The following NEGR1 variants were observed in gnomAD, a reference collection of about 807,000 sequenced individuals.
The protein encoded by NEGR1 is IgLON family member 4.
Under a neutral mutation model 40.9 loss-of-function variants are expected in NEGR1, and 10 were observed. The observed-to-expected ratio is 0.24, with a 90% CI of 0.15 to 0.42. The LOEUF is 0.42. Ranked by LOEUF, NEGR1 falls within the 10% of genes least tolerant of loss-of-function variation. NEGR1 has a pLI of 1.00. For missense variants in NEGR1, 352 were observed against 438.9 expected (o/e 0.80, Z 1.77); for synonymous variants, 185 against 166.8 (o/e 1.11, Z -0.84).
At chr1:72,184,121 C>T (rs1652519071) in intron 1 of NEGR1, among the ~76,000 whole-genome samples, 1 of 152,010 alleles carries the variant, frequency 6.6e-6, no homozygotes, top group South Asian at 2.1e-4. Flanking sequence ...GAATCCCAGA[C>T]TTTATGGGAA....
At chr1:71,602,889 T>G (rs1649969602) in intron 5 of NEGR1, among the ~76,000 whole-genome samples, 1 of 152,238 alleles carries the variant, frequency 6.6e-6, no homozygotes, top group Admixed American at 6.5e-5. Context: ...CAGTTCCCAG[T>G]AGCTGAAATG....
At chr1:71,524,315 A>AGTGTGTGTGTGTGT (rs60790381) in intron 6 of NEGR1, among the ~76,000 whole-genome samples, 15 of 140,672 alleles carry the variant, frequency 1.1e-4, no homozygotes, top group Admixed American at 3.6e-4. Context: ...TTTAAATAGG[A>AGTGTGTGTGTGTGT]GTGTGTGTGT....
chr1:71,665,909 C>A (rs1570171635), intron 4 of NEGR1, among the ~76,000 whole-genome samples: 1 of 152,084 alleles, frequency 6.6e-6, no homozygotes, highest in Non-Finnish European at 1.5e-5. Context: ...TTGGTGCCTA[C>A]AAGATAAAGT....
chr1:71,839,437 C>T (rs958896501), intron 2 of NEGR1, among the ~76,000 whole-genome samples: 6 of 151,400 alleles, frequency 4.0e-5, no homozygotes, highest in Admixed American at 6.6e-5. Context: ...TCTTGAACTC[C>T]GGACCTCAGG....
chr1:72,012,860 C>A (rs200932551), intron 1 of NEGR1, among the ~76,000 whole-genome samples: 1 of 103,074 alleles, frequency 9.7e-6, no homozygotes, highest in Non-Finnish European at 2.0e-5. Flanking sequence ...TATATATACA[C>A]ACACACATAT....
chr1:71,475,322 TA>T (rs1455232353), intron 6 of NEGR1, among the ~76,000 whole-genome samples: 1 of 152,038 alleles, frequency 6.6e-6, no homozygotes, highest in African/African-American at 2.4e-5. Flanking sequence ...CCCCATTGAA[TA>T]ATAGGCACTT....
intron 6 of NEGR1, among the ~76,000 whole-genome samples, chr1:71,493,856 C>G (rs1169428071): frequency 6.6e-6 from 1 of 152,282 alleles, no homozygotes; most frequent in East Asian, 1.9e-4. Flanking sequence ...TCTAGTCCAA[C>G]TTATTTATCT....
intron 1 of NEGR1, among the ~76,000 whole-genome samples, chr1:72,143,914 A>AATATAT (rs61582804): frequency 6.6e-4 from 86 of 130,598 alleles, no homozygotes; most frequent in African/African-American, 1.5e-3. Context: ...TGATATATAT[A>AATATAT]ATATATATAT....
intron 1 of NEGR1, among the ~76,000 whole-genome samples, chr1:72,041,932 A>T (rs1281447437): frequency 2.8e-5 from 4 of 144,548 alleles, no homozygotes; most frequent in East Asian, 4.0e-4. Context: ...TTTATATATA[A>T]TATATATTTG....
intron 2 of NEGR1, among the ~76,000 whole-genome samples, chr1:71,886,197 A>C (rs1437266899): frequency 6.6e-6 from 1 of 152,162 alleles, no homozygotes; most frequent in Non-Finnish European, 1.5e-5. Context: ...AGTCCAGTGA[A>C]GTTTCCTGAA....
At chr1:71,412,875 G>GA (rs1038997385) in intron 6 of NEGR1, among the ~76,000 whole-genome samples, 10 of 151,676 alleles carry the variant, frequency 6.6e-5, no homozygotes, top group East Asian at 1.9e-4. Flanking sequence ...CCATTTTATT[G>GA]AAAAAAAAGA....
chr1:72,211,562 A>G (rs150757579), intron 1 of NEGR1, among the ~76,000 whole-genome samples: 120 of 151,362 alleles, frequency 7.9e-4, no homozygotes, highest in African/African-American at 2.8e-3. Flanking sequence ...TTCATTCATT[A>G]AGTAGATATG....
At chr1:71,466,585 A>G (rs1235231762) in intron 6 of NEGR1, among the ~76,000 whole-genome samples, 1 of 152,116 alleles carries the variant, frequency 6.6e-6, no homozygotes, top group Non-Finnish European at 1.5e-5. Context: ...TGGTCAGAGT[A>G]GGCCTCGTTG....
intron 6 of NEGR1, among the ~76,000 whole-genome samples, chr1:71,469,206 C>T (rs191170548): frequency 2.6e-5 from 4 of 152,108 alleles, no homozygotes; most frequent in Admixed American, 1.3e-4. Context: ...CATAGTTTGT[C>T]ATCTTGCAAC....
intron 1 of NEGR1, among the ~76,000 whole-genome samples, chr1:72,263,465 T>C (rs998715052): frequency 3.3e-5 from 5 of 151,586 alleles, no homozygotes; most frequent in African/African-American, 7.2e-5. Flanking sequence ...TGGAAAAATG[T>C]TCATCAAGAG....
intron 1 of NEGR1, among the ~76,000 whole-genome samples, chr1:72,175,117 CT>C (rs1178401159): frequency 6.6e-6 from 1 of 152,052 alleles, no homozygotes; most frequent in African/African-American, 2.4e-5. Context: ...TCCCTCCCCC[CT>C]TCCCCCGATA....
At chr1:72,091,760 T>G (rs1256850535) in intron 1 of NEGR1, among the ~76,000 whole-genome samples, 4 of 152,162 alleles carry the variant, frequency 2.6e-5, no homozygotes, top group African/African-American at 9.7e-5. Flanking sequence ...ACTATGGGAC[T>G]TAAACAATAG....
chr1:71,806,385 A>G (rs1230291390), intron 2 of NEGR1, among the ~76,000 whole-genome samples: 2 of 152,086 alleles, frequency 1.3e-5, no homozygotes, highest in Non-Finnish European at 1.5e-5. Flanking sequence ...AAGCCCTATG[A>G]TAACAAAGAT....
In NEGR1 at chr1:71,403,745, TA is replaced by T. The variant is rs1646259840; in HGVS notation, c.*3700del. ...TGAGTCAAATACATATTTTAATTGA[TA>T]AACTGAGTTTATATTCACCTATTGG... On this transcript the variant is annotated 3_prime_UTR_variant, in exon 7 of 7. Coordinates refer to ENST00000357731, the MANE Select transcript of NEGR1 (RefSeq NM_173808.3). 2.8e-6 allele frequency: 1 copy of T among 358,102 alleles called. No homozygotes were observed. Among genetic ancestry groups the T allele is most frequent in the Non-Finnish European group, 5.1e-6 (1 of 197,404 alleles). 22.2% of individuals were successfully genotyped at this position (358,102 alleles called of 1,614,324 possible).
Sources: allele counts gnomAD v4.1 joint callset (sites outside exome capture counted in the v4.1 genomes callset), GRCh38; gene constraint gnomAD v4.1.1; transcripts MANE v1.5; gene names NCBI Gene and HGNC (gene_info 2026-07-23, HGNC 2026-07-21).